ARHGEF10L: variants seen among roughly 807,000 people sequenced by gnomAD.
ARHGEF10L encodes the protein Rho guanine nucleotide exchange factor 10 like.
Under a neutral mutation model 141.2 loss-of-function variants are expected in ARHGEF10L, and 69 were observed. That is an observed-to-expected ratio of 0.49 (90% CI 0.40 to 0.60). The LOEUF is 0.60. ARHGEF10L is among the 20% of genes least tolerant of loss of function. ARHGEF10L has a pLI of 0.00. For synonymous variants in ARHGEF10L, 711 were observed against 718.5 expected (o/e 0.99, Z 0.17); for missense variants, 1,482 against 1,734.3 (o/e 0.85, Z 2.58).
intron 4 of ARHGEF10L, among the ~76,000 whole-genome samples, chr1:17,592,830 C>T (rs191474030): frequency 2.0e-4 from 31 of 152,226 alleles, no homozygotes; most frequent in South Asian, 1.7e-3. Context: ...AGGGTCCATG[C>T]GGGACGTGAG....
At chr1:17,540,899 T>A (rs2076703551) in intron 1 of ARHGEF10L, among the ~76,000 whole-genome samples, 1 of 152,148 alleles carries the variant, frequency 6.6e-6, no homozygotes, top group African/African-American at 2.4e-5. Flanking sequence ...GCGGGCTCAT[T>A]AGAATGCATA....
At chr1:17,549,854 G>A (rs2100702498) in intron 1 of ARHGEF10L, among the ~76,000 whole-genome samples, 1 of 152,318 alleles carries the variant, frequency 6.6e-6, no homozygotes, top group South Asian at 2.1e-4. Flanking sequence ...CCTATGATGT[G>A]GAAGCACTTG....
At chr1:17,594,499 T>C (rs1485900342) in intron 4 of ARHGEF10L, among the ~76,000 whole-genome samples, 1 of 152,158 alleles carries the variant, frequency 6.6e-6, no homozygotes, top group Non-Finnish European at 1.5e-5. Flanking sequence ...TTCTTTCTTT[T>C]GAGATGGAGT....
intron 21 of ARHGEF10L, 61 bp downstream of exon 21, chr1:17,640,363 G>T: frequency 7.0e-7 from 1 of 1,434,576 alleles, no homozygotes; most frequent in African/African-American, 1.4e-5. Flanking sequence ...GGAGGTTTGG[G>T]GTGAGTGAGG....
chr1:17,565,894 C>A (rs901116376), intron 1 of ARHGEF10L, among the ~76,000 whole-genome samples: 1 of 152,100 alleles, frequency 6.6e-6, no homozygotes, highest in African/African-American at 2.4e-5. Context: ...TCCTGTATTG[C>A]GGATGCTGGG....
chr1:17,686,667 T>C (rs1321186875), intron 26 of ARHGEF10L, among the ~76,000 whole-genome samples: 2 of 152,170 alleles, frequency 1.3e-5, no homozygotes, highest in Non-Finnish European at 2.9e-5. Context: ...TCTTGAGCAT[T>C]GGCTGGCCTG....
intron 16 of ARHGEF10L, among the ~76,000 whole-genome samples, chr1:17,633,082 C>A (rs923797521): frequency 5.3e-5 from 8 of 152,226 alleles, no homozygotes; most frequent in Non-Finnish European, 1.2e-4. Context: ...GTTTTACTAA[C>A]ACAGGGAGCC....
chr1:17,590,455 C>A (rs539201044), intron 4 of ARHGEF10L, among the ~76,000 whole-genome samples: 1 of 152,218 alleles, frequency 6.6e-6, no homozygotes, highest in East Asian at 1.9e-4. Context: ...CGGCTCTTCG[C>A]TCCCCCAACA....
intron 1 of ARHGEF10L, among the ~76,000 whole-genome samples, chr1:17,560,385 G>A (rs1237307053): frequency 2.0e-5 from 3 of 152,196 alleles, no homozygotes; most frequent in Non-Finnish European, 4.4e-5. Flanking sequence ...GCAATGCTAT[G>A]TGTATCAGAG....
chr1:17,538,679 A>G (rs2076617942), upstream of ARHGEF10L, among the ~76,000 whole-genome samples: 1 of 146,456 alleles, frequency 6.8e-6, no homozygotes, highest in African/African-American at 2.6e-5. Context: ...GGTGCCTGAC[A>G]AATAGGGAGT....
At chr1:17,537,355 TA>T (rs2076589757), upstream of ARHGEF10L, among the ~76,000 whole-genome samples, 1 of 152,218 alleles carries the variant, frequency 6.6e-6, no homozygotes, top group African/African-American at 2.4e-5. Flanking sequence ...ATAAGGGTTC[TA>T]GGGTGTCCTT....
rs748044773 is a variant in ARHGEF10L, at chr1:17,623,123, G to A, written c.1148G>A (p.Arg383His). 8.1e-6 allele frequency: 13 copies of A among 1,613,986 alleles called. No homozygotes were observed. The highest frequency in any genetic ancestry group is 2.2e-5 in the East Asian group (1 of 44,854). The change falls in exon 12 of 29, where the codon CGC becomes CAC. Residue 383 changes from arginine (R) to histidine (H), a missense_variant. Coordinates refer to ENST00000361221, the MANE Select transcript of ARHGEF10L (RefSeq NM_018125.4). This position sits in a 1 kb window ranked among gnomAD's most constrained non-coding sequence, Gnocchi z 4.7. ...HSMFQIALSS[R>H]VAEWDSTEKI... The stretch of plus-strand genomic sequence containing the variant: ...ATGTTCCAGATCGCCCTGTCCTCCC[G>A]CGTGGCTGAGTGGGATTCCACCGAG...
chr1:17,695,474 G>C (rs1022205145), intron 28 of ARHGEF10L, among the ~76,000 whole-genome samples, 194 bp downstream of exon 28: 1 of 152,244 alleles, frequency 6.6e-6, no homozygotes, highest in African/African-American at 2.4e-5. Flanking sequence ...ACCTTTCTGA[G>C]TGTCAGTTTC....
intron 4 of ARHGEF10L, among the ~76,000 whole-genome samples, chr1:17,597,981 T>A (rs2080277379): frequency 6.6e-6 from 1 of 152,244 alleles, no homozygotes; most frequent in African/African-American, 2.4e-5. Flanking sequence ...CTGCATTCTT[T>A]CGGTTAAAGC....
intron 1 of ARHGEF10L, among the ~76,000 whole-genome samples, chr1:17,542,758 T>C (rs1300528926): frequency 6.6e-6 from 1 of 152,220 alleles, no homozygotes; most frequent in Non-Finnish European, 1.5e-5. Context: ...CATATCCATC[T>C]TACAGATGAG....
At chr1:17,616,326 T>C in intron 9 of ARHGEF10L, 124 bp downstream of exon 9, 1 of 794,882 alleles carries the variant, frequency 1.3e-6, no homozygotes, top group Non-Finnish European at 2.0e-6. Flanking sequence ...ATGGTTCCTC[T>C]GGTGGTGGGG....
chr1:17,671,215 A>G (rs974210325), intron 26 of ARHGEF10L, among the ~76,000 whole-genome samples: 8 of 152,228 alleles, frequency 5.3e-5, no homozygotes, highest in Non-Finnish European at 1.2e-4. Flanking sequence ...GGGCCCTCGC[A>G]GGACTCTGCA....
the ARHGEF10L span, among the ~76,000 whole-genome samples, chr1:17,518,566 C>A: frequency 6.6e-6 from 1 of 151,138 alleles, no homozygotes. Context: ...CTGAGGCGGG[C>A]AGATCACCTG....
At chr1:17,586,579 G>A (rs1025866073) in intron 2 of ARHGEF10L, among the ~76,000 whole-genome samples, 1 of 152,120 alleles carries the variant, frequency 6.6e-6, no homozygotes, top group Non-Finnish European at 1.5e-5. Flanking sequence ...ATGGCTTCTC[G>A]TGCTCTCTAG....
Sources: gnomAD v4.1 joint callset for allele counts (sites outside exome capture counted in the v4.1 genomes callset) on GRCh38, gnomAD v4.1.1 for gene constraint, Gnocchi (gnomAD v3.1) non-coding constraint, MANE v1.5 for transcripts, NCBI Gene and HGNC (gene_info 2026-07-23, HGNC 2026-07-21) for gene names.